Variants in KIAA1549L observed in about 807,000 individuals in gnomAD.
The protein encoded by KIAA1549L is KIAA1549 like.
A neutral mutation model predicts 160.7 loss-of-function variants in KIAA1549L; 88 were observed. That is an observed-to-expected ratio of 0.55 (90% CI 0.46 to 0.65). The LOEUF is 0.65. Ranked by LOEUF, KIAA1549L falls within the 30% of genes least tolerant of loss-of-function variation. KIAA1549L has a pLI of 0.00. For synonymous variants in KIAA1549L, 950 were observed against 976.7 expected, an observed-to-expected ratio of 0.97 and a Z score of 0.51; for missense variants, 2,258 against 2,437.5, an observed-to-expected ratio of 0.93 and a Z score of 1.55.
rs16924388 is a variant in KIAA1549L, at chr11:33,509,960, T to C, written c.239-31842T>C. Reference sequence around the variant, plus strand: ...ATTGCTCTGCTGGTGCCACATTTCATACAGGGGAGAATTCTACACACAGCA... The same window carrying C: ...ATTGCTCTGCTGGTGCCACATTTCACACAGGGGAGAATTCTACACACAGCA... On this transcript the variant is annotated intron_variant, in intron 1 of 20. Coordinates refer to ENST00000658780, the MANE Select transcript of KIAA1549L (RefSeq NM_012194.3). 8.6e-3 allele frequency among the ~76,000 whole-genome samples: 1,310 copies of C among 152,240 alleles called. 22 individuals are homozygous for C. Among genetic ancestry groups the C allele is most frequent in the African/African-American group, 0.03 (1,251 of 41,534 alleles).
chr11:33,394,160 C>T (rs936998290), intron 1 of KIAA1549L, among the ~76,000 whole-genome samples: 1 of 152,076 alleles, frequency 6.6e-6, no homozygotes, highest in Non-Finnish European at 1.5e-5. Flanking sequence ...ATCGCTTGAG[C>T]CCTGAAATTT....
intron 1 of KIAA1549L, among the ~76,000 whole-genome samples, chr11:33,440,917 T>C (rs1023501728): frequency 6.8e-6 from 1 of 146,680 alleles, no homozygotes; most frequent in Admixed American, 6.7e-5. Context: ...AGTTCTTTTC[T>C]TTTTTTTTTA....
At chr11:33,523,678 G>T (rs2133131100) in intron 1 of KIAA1549L, among the ~76,000 whole-genome samples, 1 of 152,134 alleles carries the variant, frequency 6.6e-6, no homozygotes, top group Non-Finnish European at 1.5e-5. Flanking sequence ...CTTACTACTG[G>T]GTCCTTAAAT....
intron 11 of KIAA1549L, among the ~76,000 whole-genome samples, chr11:33,585,245 G>A (rs183063466): frequency 7.2e-5 from 11 of 152,188 alleles, no homozygotes; most frequent in African/African-American, 1.2e-4. Flanking sequence ...TTGGCCGGGC[G>A]CGGTGGCTCA....
intron 1 of KIAA1549L, among the ~76,000 whole-genome samples, chr11:33,382,603 T>C (rs1850093635): frequency 6.6e-6 from 1 of 152,180 alleles, no homozygotes; most frequent in African/African-American, 2.4e-5. Context: ...GAAAGACATA[T>C]GACCAGAGTG....
chr11:33,431,287 G>A (rs577151866), intron 1 of KIAA1549L, among the ~76,000 whole-genome samples: 94 of 152,272 alleles, frequency 6.2e-4, no homozygotes, highest in Non-Finnish European at 1.1e-3. Context: ...GGACCCGAGC[G>A]GATTGCCACT....
intron 9 of KIAA1549L, among the ~76,000 whole-genome samples, chr11:33,569,335 T>C (rs1013916458): frequency 2.6e-5 from 4 of 152,216 alleles, no homozygotes; most frequent in Non-Finnish European, 5.9e-5. Context: ...AAAGCTCTGT[T>C]GAGCATGATG....
intron 1 of KIAA1549L, among the ~76,000 whole-genome samples, chr11:33,523,763 TATTA>T (rs1853549493): frequency 1.3e-5 from 2 of 152,216 alleles, no homozygotes; most frequent in African/African-American, 2.4e-5. Flanking sequence ...AATTATTACG[TATTA>T]ATTGACAATT....
At chr11:33,558,616 A>C (rs1199334729) in intron 6 of KIAA1549L, among the ~76,000 whole-genome samples, 2 of 152,154 alleles carry the variant, frequency 1.3e-5, no homozygotes, top group South Asian at 2.1e-4. Context: ...CTTCCTACTA[A>C]CGATGCTTTT....
intron 1 of KIAA1549L, among the ~76,000 whole-genome samples, chr11:33,401,216 CAT>C (rs1212191714): frequency 6.8e-6 from 1 of 146,844 alleles, no homozygotes; most frequent in Non-Finnish European, 1.5e-5. Context: ...AAATATATCT[CAT>C]ATGATATGTA....
chr11:33,591,911 A>G (rs914830853), intron 12 of KIAA1549L, among the ~76,000 whole-genome samples: 3 of 152,202 alleles, frequency 2.0e-5, no homozygotes, highest in Non-Finnish European at 2.9e-5. Context: ...GGCGGAGAGA[A>G]AAATAACTGG....
At chr11:33,655,903 G>A (rs1316490612) in intron 17 of KIAA1549L, 109 bp from the exon 18 acceptor site, 1 of 726,010 alleles carries the variant, frequency 1.4e-6, no homozygotes. Flanking sequence ...GAGTAAGGAG[G>A]CAGAGTCTGA....
chr11:33,401,060 T>A (rs1850488647), intron 1 of KIAA1549L, among the ~76,000 whole-genome samples: 1 of 152,082 alleles, frequency 6.6e-6, no homozygotes, highest in Non-Finnish European at 1.5e-5. Flanking sequence ...AAGGATGAGA[T>A]GAAGCAATTG....
At chr11:33,471,937 G>A (rs1380316443) in intron 1 of KIAA1549L, among the ~76,000 whole-genome samples, 2 of 152,142 alleles carry the variant, frequency 1.3e-5, no homozygotes, top group African/African-American at 4.8e-5. Context: ...AGCATAGAAG[G>A]TTTTATTCTC....
chr11:33,656,189 C>T (rs748595219), intron 18 of KIAA1549L, 80 bp downstream of exon 18: 41 of 1,072,912 alleles, frequency 3.8e-5, no homozygotes, highest in Middle Eastern at 2.3e-4. Context: ...ACAACAGCAC[C>T]GGCAAATTTC....
chr11:33,398,643 T>G (rs2134061232), intron 1 of KIAA1549L, among the ~76,000 whole-genome samples: 1 of 152,362 alleles, frequency 6.6e-6, no homozygotes, highest in East Asian at 1.9e-4. Context: ...TCGCTCACTC[T>G]TCTTCCATTC....
chr11:33,597,965 C>T (rs1438398029), intron 12 of KIAA1549L, among the ~76,000 whole-genome samples: 1 of 152,090 alleles, frequency 6.6e-6, no homozygotes, highest in Non-Finnish European at 1.5e-5. Flanking sequence ...TTATAATGAT[C>T]CATTAGCAGT....
At position 33,625,058 on chromosome 11, in the gene KIAA1549L, TTCATCCATG is replaced by T. The variant is rs201609370; in HGVS notation, c.5409+6399_5409+6407del. ...TTTACTAAGAATGATGATTTCCAAT[TTCATCCATG>T]TCCCTACAAAGGACATGAACTCATC... On this transcript the variant is annotated intron_variant, in intron 16 of 20. Coordinates refer to ENST00000658780, the MANE Select transcript of KIAA1549L (RefSeq NM_012194.3). 4.1e-4 allele frequency among the ~76,000 whole-genome samples: 62 copies of T among 152,036 alleles called. No homozygotes were observed. In the East Asian group the frequency reaches 0.011, roughly 27 times the overall value.
chr11:33,650,354 G>A (rs1851849606), intron 17 of KIAA1549L, among the ~76,000 whole-genome samples: 1 of 152,214 alleles, frequency 6.6e-6, no homozygotes, highest in South Asian at 2.1e-4. Context: ...GGGAGAGGAA[G>A]GCTGGAGAAT....
Sources: allele counts gnomAD v4.1 joint callset (sites outside exome capture counted in the v4.1 genomes callset), GRCh38; gene constraint gnomAD v4.1.1; transcripts MANE v1.5; gene names NCBI Gene and HGNC (gene_info 2026-07-23, HGNC 2026-07-21).